ITGA6: variants seen among roughly 807,000 people sequenced by gnomAD.
ITGA6 encodes integrin subunit alpha 6.
Under a neutral mutation model 133.6 loss-of-function variants are expected in ITGA6, and 63 were observed. The observed-to-expected ratio is 0.47, with a 90% CI of 0.38 to 0.58. The LOEUF (loss-of-function observed/expected upper bound fraction) is 0.58. Among genes scored for constraint, ITGA6 ranks in the 20% least tolerant of loss-of-function variants. The pLI is 0.00. For synonymous variants in ITGA6, 434 were observed against 482.0 expected (o/e 0.90, Z 1.30); for missense variants, 1,068 against 1,309.4 (o/e 0.82, Z 2.85).
chr2:172,430,043 G>A (rs1284053375), intron 1 of ITGA6, among the ~76,000 whole-genome samples: 2 of 152,226 alleles, frequency 1.3e-5, no homozygotes, highest in East Asian at 1.9e-4. Context: ...AAAACTCAGT[G>A]GGGGTCTTTC....
chr2:172,441,896 G>A (rs1018293174), intron 1 of ITGA6, among the ~76,000 whole-genome samples: 61 of 151,930 alleles, frequency 4.0e-4, no homozygotes, highest in African/African-American at 1.4e-3. Context: ...ACCCCATCCC[G>A]CCCTCACCCC....
At chr2:172,499,996 A>G (rs760422551) in intron 24 of ITGA6, among the ~76,000 whole-genome samples, 1 of 152,284 alleles carries the variant, frequency 6.6e-6, no homozygotes, top group East Asian at 1.9e-4. Context: ...AATACGACTT[A>G]TACAACCCCA....
chr2:172,490,853 G>A lies in ITGA6; in HGVS notation c.2680-171G>A. 3 of 598,802 alleles carry A rather than the reference G, an allele frequency of 5.0e-6. No homozygotes were observed. In the East Asian group the frequency reaches 8.7e-5, roughly 17 times the overall value. The allele number at this position is 598,802 out of a possible 1,614,324, so 37.1% of individuals were successfully genotyped here. A position where few individuals can be genotyped will look rare whatever the true frequency, so the allele number is the denominator to read the frequency against. On this transcript the variant is annotated intron_variant, in intron 20 of 25. Coordinates refer to ENST00000684293, the MANE Select transcript of ITGA6 (RefSeq NM_000210.4). Reference sequence around the variant, plus strand: ...GTAAATCAATAAACTTGAATTTAGAGTGATAATACTTGCTGGTTTTACACT... The same window carrying A: ...GTAAATCAATAAACTTGAATTTAGAATGATAATACTTGCTGGTTTTACACT...
chr2:172,439,933 A>C (rs1684472606), intron 1 of ITGA6, among the ~76,000 whole-genome samples: 1 of 152,192 alleles, frequency 6.6e-6, no homozygotes, highest in Non-Finnish European at 1.5e-5. Flanking sequence ...TTGGGTTTTT[A>C]AATGTCCCCT....
intron 4 of ITGA6, 64 bp downstream of exon 4, chr2:172,469,444 A>AC (rs373197376): frequency 6.8e-7 from 1 of 1,476,926 alleles, no homozygotes; most frequent in Non-Finnish European, 9.4e-7. Context: ...ATGATTTAGT[A>AC]CATTTTGAGC....
Position 172,494,981 on chromosome 2 carries a change from A to C in ITGA6, c.2989-2994A>C, listed in dbSNP as rs1687071206. On this transcript the variant is annotated intron_variant, in intron 23 of 25. Transcript: ENST00000684293. ...CAACTTAAAATTCAGAGAACAACTTAAGATACGGATCCTTTTATAAGATGG... is the reference window on the plus strand; with the variant it reads ...CAACTTAAAATTCAGAGAACAACTTCAGATACGGATCCTTTTATAAGATGG... Among the ~76,000 whole-genome samples, 3 of 152,230 alleles carry C rather than the reference A, an allele frequency of 2.0e-5. No homozygotes were observed. In the South Asian group the frequency reaches 6.2e-4, roughly 31 times the overall value.
intron 9 of ITGA6, among the ~76,000 whole-genome samples, chr2:172,478,402 C>T (rs1272121775): frequency 6.6e-6 from 1 of 152,188 alleles, no homozygotes; most frequent in Non-Finnish European, 1.5e-5. Context: ...ACAAGCCCAT[C>T]AGAGTCAGCC....
At chr2:172,469,422 A>C in intron 4 of ITGA6, 42 bp downstream of exon 4, 1 of 1,266,572 alleles carries the variant, frequency 7.9e-7, no homozygotes, top group Non-Finnish European at 1.1e-6. Flanking sequence ...TAGTTCCCCT[A>C]ATTTCTGTAA....
chr2:172,501,176 G>A (rs1687333239), intron 24 of ITGA6, among the ~76,000 whole-genome samples: 1 of 152,126 alleles, frequency 6.6e-6, no homozygotes, highest in African/African-American at 2.4e-5. Context: ...AGGGTTTTAT[G>A]GTGCTCAGAG....
intron 1 of ITGA6, among the ~76,000 whole-genome samples, chr2:172,451,194 C>T (rs970091425): frequency 6.7e-5 from 10 of 150,126 alleles, no homozygotes; most frequent in Admixed American, 2.0e-4. Context: ...GGAAGGAGGC[C>T]GGGCACGGTG....
chr2:172,481,134 G>C (rs1686424565), intron 11 of ITGA6: 1 of 152,228 alleles, frequency 6.6e-6, no homozygotes, highest in Admixed American at 6.5e-5. Context: ...ACTTTGTGAA[G>C]AACAAGGTCA....
intron 20 of ITGA6, 187 bp downstream of exon 20, chr2:172,489,845 G>A (rs1686846882): frequency 1.7e-6 from 1 of 590,698 alleles, no homozygotes; most frequent in Non-Finnish European, 3.0e-6. Context: ...GCTGGTTAAT[G>A]ACCATTATAG....
intron 1 of ITGA6, among the ~76,000 whole-genome samples, chr2:172,458,267 A>G (rs1320550940): frequency 6.8e-6 from 1 of 147,082 alleles, no homozygotes. Flanking sequence ...TTTTGAGACC[A>G]TCTTTCTCTA....
chr2:172,440,237 GT>G (rs1684485713), intron 1 of ITGA6, among the ~76,000 whole-genome samples: 1 of 152,182 alleles, frequency 6.6e-6, no homozygotes, highest in Non-Finnish European at 1.5e-5. Context: ...ATCTTGTTCA[GT>G]TTTGGTTCAA....
In ITGA6 at chr2:172,505,313, T is replaced by C. The variant is rs1687512791; in HGVS notation, c.*1245T>C. 6.6e-6 allele frequency: 1 copy of C among 152,218 alleles called. No individual in the cohort carries two copies. The highest frequency in any genetic ancestry group is 3.2e-3 in the Middle Eastern group (1 of 316). The allele number at this position is 152,218 out of a possible 1,614,324, so 9.4% of individuals were successfully genotyped here. A position where few individuals can be genotyped will look rare whatever the true frequency, so the allele number is the denominator to read the frequency against. On this transcript the variant is annotated 3_prime_UTR_variant, in exon 26 of 26. Coordinates refer to ENST00000684293, the MANE Select transcript of ITGA6 (RefSeq NM_000210.4). ...GCGGTTTACTCACTGCTGCAAATACTGTATATTCAGGACTTGAAAGAAATG... is the reference window on the plus strand; with the variant it reads ...GCGGTTTACTCACTGCTGCAAATACCGTATATTCAGGACTTGAAAGAAATG...
Position 172,469,079 on chromosome 2 carries a change from A to G in ITGA6, c.388-46A>G, listed in dbSNP as rs762722717. 8.1e-6 allele frequency: 13 copies of G among 1,610,014 alleles called. No individual in the cohort carries two copies. The South Asian group carries it at 1.3e-4, about 16-fold the overall frequency. On this transcript the variant is annotated intron_variant, in intron 3 of 25. Transcript: ENST00000684293. ...TATTCATATGTAATTTTTTAAAAAC[A>G]AGGTTTATAGACAAGAATGGGCTAC...
At chr2:172,494,279 G>A (rs1395059038) in intron 23 of ITGA6, among the ~76,000 whole-genome samples, 1 of 152,186 alleles carries the variant, frequency 6.6e-6, no homozygotes, top group Non-Finnish European at 1.5e-5. Context: ...GGCCAAGGCA[G>A]GCGGATTGCT....
Position 172,491,343 on chromosome 2 carries a change from G to C in ITGA6, c.2889+12G>C, listed in dbSNP as rs761770154. Reference sequence around the variant, plus strand: ...GCACATTTCTAGAGGTATGACCTTGGCTTGAGGCTGTCCCATGGAAGTAAT... The same window carrying C: ...GCACATTTCTAGAGGTATGACCTTGCCTTGAGGCTGTCCCATGGAAGTAAT... On this transcript the variant is annotated intron_variant, in intron 22 of 25. Transcript: ENST00000684293. This position sits in a 1 kb window ranked among gnomAD's most constrained non-coding sequence, Gnocchi z 4.4. 1.9e-5 allele frequency: 30 copies of C among 1,587,302 alleles called. No homozygotes were observed. Among genetic ancestry groups the C allele is most frequent in the Non-Finnish European group, 2.5e-5 (29 of 1,155,702 alleles).
At chr2:172,479,108 G>A (rs1052637106) in intron 9 of ITGA6, among the ~76,000 whole-genome samples, 6 of 152,128 alleles carry the variant, frequency 3.9e-5, no homozygotes, top group African/African-American at 1.2e-4. Flanking sequence ...AATGTCTACC[G>A]ATTAGGTACT....
Sources: gnomAD v4.1 joint callset for allele counts (sites outside exome capture counted in the v4.1 genomes callset) on GRCh38, gnomAD v4.1.1 for gene constraint, Gnocchi (gnomAD v3.1) non-coding constraint, MANE v1.5 for transcripts, NCBI Gene and HGNC (gene_info 2026-07-23, HGNC 2026-07-21) for gene names.